The following TENM3 variants were observed in gnomAD, a reference collection of about 807,000 sequenced individuals.
TENM3 encodes the protein teneurin-3.
Under a neutral mutation model 255.1 loss-of-function variants are expected in TENM3, and 63 were observed. The ratio of observed to expected loss-of-function variants is 0.25; its 90% CI spans 0.20 to 0.30. The LOEUF (loss-of-function observed/expected upper bound fraction) is 0.30. TENM3 is among the 10% of genes least tolerant of loss of function. The probability of loss-of-function intolerance (pLI) is 1.00; values close to 1 mark genes in which losing one functional copy is unlikely to be tolerated. For missense variants in TENM3, 2,929 were observed against 3,461.1 expected (o/e 0.85, Z 3.86); for synonymous variants, 1,306 against 1,322.3 (o/e 0.99, Z 0.27).
the TENM3 span, among the ~76,000 whole-genome samples, chr4:181,981,750 G>A: frequency 1.3e-5 from 2 of 152,112 alleles, no homozygotes; most frequent in East Asian, 3.9e-4. Context: ...ACGAAAAGTG[G>A]AAAAAGTCAC....
intron 3 of TENM3, among the ~76,000 whole-genome samples, chr4:182,429,010 G>C (rs1561436761): frequency 6.6e-6 from 1 of 152,092 alleles, no homozygotes; most frequent in African/African-American, 2.4e-5. Flanking sequence ...AAATATCTTT[G>C]TTTGTCTATT....
intron 3 of TENM3, among the ~76,000 whole-genome samples, chr4:182,527,876 T>G (rs1159850234): frequency 3.3e-5 from 5 of 151,844 alleles, no homozygotes; most frequent in African/African-American, 1.2e-4. Flanking sequence ...TACAGGCACA[T>G]GCTGCCACGC....
At chr4:182,404,186 C>T (rs1273702604) in intron 3 of TENM3, among the ~76,000 whole-genome samples, 1 of 152,128 alleles carries the variant, frequency 6.6e-6, no homozygotes, top group African/African-American at 2.4e-5. Context: ...ATAACCACAG[C>T]CTTTACTTTC....
At chr4:181,563,687 T>G in the TENM3 span, among the ~76,000 whole-genome samples, 1 of 152,208 alleles carries the variant, frequency 6.6e-6, no homozygotes, top group Non-Finnish European at 1.5e-5. Flanking sequence ...TTTATTCAAC[T>G]TTTAAAACCA....
chr4:181,448,002 A>G, the TENM3 span, among the ~76,000 whole-genome samples: 2 of 151,860 alleles, frequency 1.3e-5, no homozygotes, highest in African/African-American at 4.8e-5. Context: ...GTGCAATGCT[A>G]CAAATGGAAA....
chr4:182,189,194 T>C (rs1753353126), intron 1 of TENM3, among the ~76,000 whole-genome samples: 1 of 152,172 alleles, frequency 6.6e-6, no homozygotes, highest in Non-Finnish European at 1.5e-5. Context: ...AACAGGTGAC[T>C]TTGATGTGTG....
At chr4:182,663,773 TA>T (rs1162419620) in intron 6 of TENM3, among the ~76,000 whole-genome samples, 1 of 151,844 alleles carries the variant, frequency 6.6e-6, no homozygotes, top group Non-Finnish European at 1.5e-5. Flanking sequence ...GATCTATTTC[TA>T]AAAAATACGT....
chr4:181,531,336 A>G, the TENM3 span, among the ~76,000 whole-genome samples: 3 of 152,202 alleles, frequency 2.0e-5, no homozygotes, highest in Non-Finnish European at 4.4e-5. Flanking sequence ...GTTGCCAGAT[A>G]AAATCTCTGT....
At chr4:181,631,345 A>G in the TENM3 span, among the ~76,000 whole-genome samples, 3 of 151,902 alleles carry the variant, frequency 2.0e-5, no homozygotes, top group African/African-American at 7.3e-5. Flanking sequence ...GCAGGAGTGC[A>G]ATGGCACAAT....
the TENM3 span, among the ~76,000 whole-genome samples, chr4:181,818,082 T>C: frequency 1.3e-5 from 2 of 152,176 alleles, no homozygotes; most frequent in Non-Finnish European, 2.9e-5. Context: ...ACCCACATTG[T>C]TTTATAGTTT....
intron 3 of TENM3, among the ~76,000 whole-genome samples, chr4:182,490,208 G>A (rs1466229299): frequency 6.6e-6 from 1 of 152,256 alleles, no homozygotes; most frequent in Non-Finnish European, 1.5e-5. Context: ...ATGTTGTTAC[G>A]TGAGATACTT....
the TENM3 span, among the ~76,000 whole-genome samples, chr4:182,133,894 T>A: frequency 1.3e-5 from 2 of 152,192 alleles, no homozygotes; most frequent in African/African-American, 4.8e-5. Flanking sequence ...TTTCTCAAAC[T>A]TCCCTTTGAG....
At chr4:182,661,979 T>A (rs1754264843) in intron 6 of TENM3, among the ~76,000 whole-genome samples, 1 of 152,206 alleles carries the variant, frequency 6.6e-6, no homozygotes, top group South Asian at 2.1e-4. Flanking sequence ...ATTTTTCTGA[T>A]AGCACAAAAT....
intron 3 of TENM3, among the ~76,000 whole-genome samples, chr4:182,594,683 GGTGTGTGTGTGTGTGT>G (rs67667219): frequency 1.8e-3 from 243 of 138,232 alleles, no homozygotes; most frequent in African/African-American, 2.7e-3. Flanking sequence ...TTTTTGTTTT[GGTGTGTGTGTGTGTGT>G]GTGTGTGTGT....
At chr4:181,616,851 C>T in the TENM3 span, among the ~76,000 whole-genome samples, 1 of 152,194 alleles carries the variant, frequency 6.6e-6, no homozygotes, top group African/African-American at 2.4e-5. Flanking sequence ...TGCCCACCCA[C>T]AGAGTTGAAG....
intron 3 of TENM3, among the ~76,000 whole-genome samples, chr4:182,527,852 TG>T (rs1739373071): frequency 6.6e-6 from 1 of 151,728 alleles, no homozygotes; most frequent in African/African-American, 2.4e-5. Flanking sequence ...CTCAGCCTCC[TG>T]AGTAGCTGGG....
intron 3 of TENM3, among the ~76,000 whole-genome samples, chr4:182,496,851 T>G (rs1735815469): frequency 1.3e-5 from 2 of 152,172 alleles, no homozygotes; most frequent in Non-Finnish European, 2.9e-5. Flanking sequence ...GCAAAAGAAG[T>G]AGCTAAAATG....
At chr4:182,619,030 A>T (rs976857383) in intron 4 of TENM3, among the ~76,000 whole-genome samples, 1 of 152,200 alleles carries the variant, frequency 6.6e-6, no homozygotes, top group Admixed American at 6.5e-5. Context: ...GAGTTACTCA[A>T]CAGTGACCTA....
chr4:182,717,908 G>T (rs1258927734), intron 13 of TENM3, among the ~76,000 whole-genome samples: 1 of 152,200 alleles, frequency 6.6e-6, no homozygotes. Flanking sequence ...AAGGTGAAGA[G>T]ATGGGAGCTG....
Sources: gnomAD v4.1 joint callset for allele counts (sites outside exome capture counted in the v4.1 genomes callset) on GRCh38, gnomAD v4.1.1 for gene constraint, MANE v1.5 for transcripts, NCBI Gene and HGNC (gene_info 2026-07-23, HGNC 2026-07-21) for gene names.